Variants in DSCAM observed in about 807,000 individuals in gnomAD.
DSCAM encodes DS cell adhesion molecule, also known as cell adhesion molecule DSCAM.
A neutral mutation model predicts 217.7 loss-of-function variants in DSCAM; 47 were observed. The ratio of observed to expected loss-of-function variants is 0.22; its 90% CI spans 0.17 to 0.28. DSCAM has a LOEUF of 0.28. DSCAM is among the 10% of genes least tolerant of loss of function. The pLI is 1.00. For missense variants in DSCAM, 2,080 were observed against 2,618.3 expected (o/e 0.79, Z 4.49); for synonymous variants, 1,056 against 1,015.3 (o/e 1.04, Z -0.76).
At chr21:40,811,733 C>T (rs1269524772) in intron 1 of DSCAM, among the ~76,000 whole-genome samples, 2 of 152,178 alleles carry the variant, frequency 1.3e-5, no homozygotes, top group South Asian at 2.1e-4. Context: ...CAGGCCTAGC[C>T]TTTCTTTCTC....
intron 11 of DSCAM, among the ~76,000 whole-genome samples, chr21:40,223,934 C>G (rs1266256094): frequency 1.3e-5 from 2 of 152,194 alleles, no homozygotes; most frequent in Non-Finnish European, 2.9e-5. Flanking sequence ...GAAACCCCTA[C>G]CCCACCCCAC....
At chr21:40,730,165 C>T (rs763529307) in intron 1 of DSCAM, among the ~76,000 whole-genome samples, 17 of 152,074 alleles carry the variant, frequency 1.1e-4, no homozygotes, top group East Asian at 1.9e-4. Flanking sequence ...GAAGAGCCTC[C>T]GGGGCGCAGG....
At chr21:40,421,661 T>A (rs1006987978) in intron 3 of DSCAM, among the ~76,000 whole-genome samples, 1 of 152,256 alleles carries the variant, frequency 6.6e-6, no homozygotes, top group Non-Finnish European at 1.5e-5. Context: ...GGCATATCTT[T>A]GGCTCTCAGG....
intron 3 of DSCAM, among the ~76,000 whole-genome samples, chr21:40,673,284 T>G (rs1347161049): frequency 2.1e-5 from 1 of 48,072 alleles, no homozygotes; most frequent in Non-Finnish European, 6.5e-5. Context: ...AAGATAAAAA[T>G]GATGCCCCCC....
At chr21:40,743,302 T>C (rs2091142542) in intron 1 of DSCAM, among the ~76,000 whole-genome samples, 1 of 152,172 alleles carries the variant, frequency 6.6e-6, no homozygotes, top group Non-Finnish European at 1.5e-5. Flanking sequence ...CCCCATTCAA[T>C]ACCATCTTGC....
intron 29 of DSCAM, 77 bp from the exon 30 acceptor site, chr21:40,052,184 A>T: frequency 6.6e-7 from 1 of 1,519,802 alleles, no homozygotes; most frequent in Admixed American, 1.9e-5. Context: ...TTCTCTCCTG[A>T]GGCACTTGTG....
At chr21:40,671,438 G>T (rs988590911) in intron 3 of DSCAM, among the ~76,000 whole-genome samples, 1 of 152,234 alleles carries the variant, frequency 6.6e-6, no homozygotes, top group East Asian at 1.9e-4. Context: ...CAGTTTGGGA[G>T]GCTGAGGTGG....
chr21:40,787,099 A>G (rs1478043955), intron 1 of DSCAM, among the ~76,000 whole-genome samples: 1 of 152,242 alleles, frequency 6.6e-6, no homozygotes, highest in Non-Finnish European at 1.5e-5. Flanking sequence ...ACCTAGGACT[A>G]GTCCATGAAA....
At chr21:40,258,975 G>T (rs116069844) in intron 11 of DSCAM, among the ~76,000 whole-genome samples, 2,331 of 152,292 alleles carry the variant, frequency 0.015, 74 homozygotes, top group African/African-American at 0.053. Flanking sequence ...TACCCCTTCT[G>T]CAGAAAGTAA....
chr21:40,695,851 T>C (rs1489708676), intron 2 of DSCAM, among the ~76,000 whole-genome samples: 1 of 152,176 alleles, frequency 6.6e-6, no homozygotes, highest in Non-Finnish European at 1.5e-5. Context: ...ATCAGGGTTT[T>C]ATTAAAGCTC....
chr21:40,320,807 C>T (rs2074250941), intron 8 of DSCAM, among the ~76,000 whole-genome samples: 1 of 152,152 alleles, frequency 6.6e-6, no homozygotes, highest in African/African-American at 2.4e-5. Context: ...TCAATTATCT[C>T]CCACCAGATC....
At chr21:40,206,408 G>C (rs1042219172) in intron 11 of DSCAM, among the ~76,000 whole-genome samples, 3 of 152,066 alleles carry the variant, frequency 2.0e-5, no homozygotes, top group Non-Finnish European at 4.4e-5. Context: ...CCCGACCTGT[G>C]GAGCTGACTC....
intron 3 of DSCAM, among the ~76,000 whole-genome samples, chr21:40,507,891 C>A (rs1325875874): frequency 1.3e-5 from 2 of 152,174 alleles, no homozygotes; most frequent in Non-Finnish European, 2.9e-5. Context: ...TACCCCCTCG[C>A]CCCTCCACTC....
chr21:40,039,091 G>A (rs572093713), intron 32 of DSCAM, among the ~76,000 whole-genome samples: 26 of 151,832 alleles, frequency 1.7e-4, no homozygotes, highest in African/African-American at 2.7e-4. Context: ...TGGGTGCAGC[G>A]CACCAGAATG....
chr21:40,637,120 T>TATATATAAATATATAAATATATATATAA (rs2089772940), intron 3 of DSCAM, among the ~76,000 whole-genome samples: 1 of 90,414 alleles, frequency 1.1e-5, no homozygotes, highest in Non-Finnish European at 2.0e-5. Flanking sequence ...TATATATATA[T>TATATATAAATATATAAATATATATATAA]ATATATATAA....
chr21:40,248,587 A>G (rs528818065), intron 11 of DSCAM, among the ~76,000 whole-genome samples: 13 of 152,314 alleles, frequency 8.5e-5, no homozygotes, highest in African/African-American at 3.1e-4. Flanking sequence ...GTTATTGTCC[A>G]TATCACTATC....
At chr21:40,752,874 C>A (rs1204845857) in intron 1 of DSCAM, among the ~76,000 whole-genome samples, 1 of 152,116 alleles carries the variant, frequency 6.6e-6, no homozygotes, top group African/African-American at 2.4e-5. Context: ...ACTAGTATAT[C>A]CCCAGAAACG....
intron 1 of DSCAM, among the ~76,000 whole-genome samples, chr21:40,839,032 G>A (rs2092079497): frequency 6.6e-6 from 1 of 152,074 alleles, no homozygotes; most frequent in South Asian, 2.1e-4. Context: ...TATACTTAAG[G>A]AACCTGGGGG....
intron 16 of DSCAM, among the ~76,000 whole-genome samples, chr21:40,159,677 C>T (rs567853948): frequency 5.9e-5 from 9 of 152,252 alleles, no homozygotes; most frequent in African/African-American, 1.7e-4. Context: ...TGTCTCCTAG[C>T]GTTCAAGGAA....
Sources: allele counts gnomAD v4.1 joint callset (sites outside exome capture counted in the v4.1 genomes callset), GRCh38; gene constraint gnomAD v4.1.1; transcripts MANE v1.5; gene names NCBI Gene and HGNC (gene_info 2026-07-23, HGNC 2026-07-21).